DMD: variants seen among roughly 807,000 people sequenced by gnomAD.
DMD encodes dystrophin.
In DMD, 63 loss-of-function variants were observed where a neutral mutation model predicts 330.1. That is an observed-to-expected ratio of 0.19 (90% CI 0.16 to 0.24). The LOEUF (loss-of-function observed/expected upper bound fraction) is 0.24. DMD is among the 10% of genes least tolerant of loss of function. The pLI is 1.00. For missense variants in DMD, 3,344 were observed against 2,684.1 expected (o/e 1.25, Z -5.43); for synonymous variants, 1,223 against 959.8 (o/e 1.27, Z -5.07).
At chrX:32,156,631 T>TACAAAC (rs777450409) in intron 44 of DMD, among the ~76,000 whole-genome samples, 1 of 94,055 alleles carries the variant, frequency 1.1e-5, no homozygotes, top group African/African-American at 3.9e-5. Flanking sequence ...GACAAAAGGA[T>TACAAAC]ACACACACAC....
rs575083293 is a variant in DMD, at chrX:32,075,480, T to C, written c.6439-106966A>G. ...AGGGCATTGGAAGGCAAACAAAACA[T>C]GCAGATACTTATTTTTTGACAAAAC... is the stretch of plus-strand genomic sequence containing the variant. On this transcript the variant is annotated intron_variant, in intron 44 of 78. Transcript: ENST00000357033. Among the ~76,000 whole-genome samples the C allele has an allele frequency of 1.2e-3, 134 of 111,874 alleles. No individual in the cohort carries two copies. In the Admixed American group the frequency reaches 0.012, roughly 10 times the overall value.
chrX:32,483,929 C>T (rs2148575534), intron 21 of DMD, among the ~76,000 whole-genome samples: 1 of 106,973 alleles, frequency 9.3e-6, no homozygotes, highest in African/African-American at 3.4e-5. Flanking sequence ...TGTATCACTA[C>T]ATTAATTCTG....
At chrX:31,839,937 C>T (rs2093281518) in intron 48 of DMD, among the ~76,000 whole-genome samples, 1 of 111,680 alleles carries the variant, frequency 9.0e-6, no homozygotes, top group African/African-American at 3.2e-5. Flanking sequence ...GCTGGAGGAT[C>T]ATATTTCCTA....
At chrX:32,079,643 A>T (rs965729653) in intron 44 of DMD, among the ~76,000 whole-genome samples, 2 of 111,015 alleles carry the variant, frequency 1.8e-5, no homozygotes, top group African/African-American at 6.6e-5. Flanking sequence ...GAAAAAAAAG[A>T]AAGAGGGAGG....
intron 29 of DMD, among the ~76,000 whole-genome samples, chrX:32,431,599 T>C (rs2098238553): frequency 1.8e-5 from 2 of 111,270 alleles, no homozygotes; most frequent in African/African-American, 6.5e-5. Context: ...TCTTTTAGTT[T>C]TCTTTTAAAT....
chrX:32,733,164 G>T (rs1217781080), intron 7 of DMD, among the ~76,000 whole-genome samples: 4 of 110,073 alleles, frequency 3.6e-5, no homozygotes, highest in Admixed American at 2.9e-4. Context: ...AAGAGACAAA[G>T]AAGGCCATTA....
chrX:31,502,229 C>T (rs2070472247), intron 56 of DMD, among the ~76,000 whole-genome samples: 1 of 111,527 alleles, frequency 9.0e-6, no homozygotes, highest in South Asian at 3.7e-4. Flanking sequence ...TGAATTTGTA[C>T]TTCAGAAACA....
intron 47 of DMD, among the ~76,000 whole-genome samples, chrX:31,884,341 G>T (rs897298831): frequency 2.7e-5 from 3 of 111,756 alleles, no homozygotes; most frequent in African/African-American, 9.8e-5. Context: ...CCTGTCATTT[G>T]CAACAACACG....
In DMD at chrX:32,859,361, G is replaced by A. The variant is rs770922543; in HGVS notation, c.94-9541C>T. On this transcript the variant is annotated intron_variant, in intron 2 of 78. Coordinates refer to ENST00000357033, the MANE Select transcript of DMD (RefSeq NM_004006.3). ...CACACACCTGTGATCCCAACTACTC[G>A]AGAGGCTGAGGCAGGAGAATCGCTA... is the stretch of plus-strand genomic sequence containing the variant. Among the ~76,000 whole-genome samples, 30 of 108,354 alleles carry A rather than the reference G, an allele frequency of 2.8e-4. 1 individual carries two copies. The highest frequency in any genetic ancestry group is 9.4e-4 in the African/African-American group (28 of 29,710). The allele number at this position is 108,354 out of a possible 115,157, so 94.1% of individuals were successfully genotyped here.
In DMD at chrX:32,518,283, G is replaced by C. The variant is rs191474498; in HGVS notation, c.2169-152C>G. The C allele has an allele frequency of 3.3e-3, 1,875 of 564,068 alleles. 33 individuals are homozygous for C. The African/African-American group carries it at 0.039, about 12-fold the overall frequency. The allele number at this position is 564,068 out of a possible 1,213,427, so 46.5% of individuals were successfully genotyped here. A position where few individuals can be genotyped will look rare whatever the true frequency, so the allele number is the denominator to read the frequency against. On this transcript the variant is annotated intron_variant, in intron 17 of 78. Coordinates refer to ENST00000357033, the MANE Select transcript of DMD (RefSeq NM_004006.3). ...TATTAATAGCAGCACTATTTTCCCT[G>C]TTAGGTAGACTCAAATTTGGAGTCA...
chrX:32,670,144 T>C (rs1049288208), intron 9 of DMD, among the ~76,000 whole-genome samples: 9 of 111,706 alleles, frequency 8.1e-5, no homozygotes, highest in Admixed American at 3.8e-4. Context: ...AGAGGATTTA[T>C]ATGAAAAGTT....
At chrX:31,862,178 G>A (rs998538062) in intron 48 of DMD, among the ~76,000 whole-genome samples, 1 of 110,988 alleles carries the variant, frequency 9.0e-6, no homozygotes, top group African/African-American at 3.3e-5. Flanking sequence ...CTGTCACCCA[G>A]GCTAGAGTGC....
At chrX:31,344,042 G>C (rs1301820754) in intron 61 of DMD, among the ~76,000 whole-genome samples, 1 of 101,132 alleles carries the variant, frequency 9.9e-6, no homozygotes, top group Non-Finnish European at 2.0e-5. Context: ...GAGTGCGGGG[G>C]GGGGTGGATT....
chrX:32,851,522 G>A (rs1409251133), intron 2 of DMD, among the ~76,000 whole-genome samples: 4 of 112,133 alleles, frequency 3.6e-5, no homozygotes, highest in African/African-American at 9.7e-5. Context: ...CATCTTTCCC[G>A]CTACCGCTGC....
chrX:32,054,088 T>TGAGAGA (rs751524877), intron 44 of DMD, among the ~76,000 whole-genome samples: 1,472 of 69,515 alleles, frequency 0.021, 34 homozygotes, highest in Non-Finnish European at 0.03. Context: ...TGTGTGTGTG[T>TGAGAGA]GAGAGAGAGA....
intron 44 of DMD, among the ~76,000 whole-genome samples, chrX:32,181,895 T>A (rs1234041910): frequency 8.9e-6 from 1 of 112,391 alleles, no homozygotes; most frequent in African/African-American, 3.2e-5. Flanking sequence ...TATAATTACC[T>A]CTTCCACCAG....
chrX:32,878,558 A>G (rs1281505565), intron 2 of DMD, among the ~76,000 whole-genome samples: 1 of 111,517 alleles, frequency 9.0e-6, no homozygotes, highest in Non-Finnish European at 1.9e-5. Flanking sequence ...CTACAAAACT[A>G]CAATACTACA....
chrX:31,628,151 T>C (rs2078948697), intron 54 of DMD, among the ~76,000 whole-genome samples: 1 of 111,699 alleles, frequency 9.0e-6, no homozygotes, highest in Non-Finnish European at 1.9e-5. Flanking sequence ...ATATGTGAAA[T>C]ATATATACAT....
intron 44 of DMD, among the ~76,000 whole-genome samples, chrX:32,054,529 CA>C (rs1212838072): frequency 9.2e-6 from 1 of 109,186 alleles, no homozygotes; most frequent in East Asian, 2.9e-4. Context: ...TCCTTTTCTA[CA>C]AAAAAATTCT....
Sources: allele counts gnomAD v4.1 joint callset (sites outside exome capture counted in the v4.1 genomes callset), GRCh38; gene constraint gnomAD v4.1.1; transcripts MANE v1.5; gene names NCBI Gene and HGNC (gene_info 2026-07-23, HGNC 2026-07-21).